The following RTTN variants were observed in gnomAD, a reference collection of about 807,000 sequenced individuals.
The protein encoded by RTTN is rotatin.
A neutral mutation model predicts 269.2 loss-of-function variants in RTTN; 182 were observed. That is an observed-to-expected ratio of 0.68 (90% CI 0.60 to 0.76). The LOEUF is 0.76. Among genes scored for constraint, RTTN ranks in the 30% least tolerant of loss-of-function variants. The probability of loss-of-function intolerance (pLI) is 0.00; values close to 1 mark genes in which losing one functional copy is unlikely to be tolerated. For synonymous variants in RTTN, 1,006 were observed against 963.5 expected (o/e 1.04, Z -0.82); for missense variants, 2,545 against 2,608.6 (o/e 0.98, Z 0.53).
intron 46 of RTTN, chr18:70,008,698 A>C (rs1404452857): frequency 2.0e-5 from 3 of 151,182 alleles, no homozygotes; most frequent in African/African-American, 7.4e-5. Context: ...CGTGAAGACA[A>C]GATTAGAGAA....
intron 46 of RTTN, chr18:70,008,784 CT>C (rs2056277980): frequency 6.6e-6 from 1 of 151,738 alleles, no homozygotes; most frequent in African/African-American, 2.4e-5. Context: ...CTATGTTTGA[CT>C]GGTGTACCTG....
intron 43 of RTTN, among the ~76,000 whole-genome samples, chr18:70,025,959 C>A (rs940488947): frequency 6.6e-6 from 1 of 152,190 alleles, no homozygotes; most frequent in Non-Finnish European, 1.5e-5. Context: ...CCAATTTGCT[C>A]ATTTCTGTGC....
At chr18:70,188,944 T>G (rs1190140303) in intron 9 of RTTN, among the ~76,000 whole-genome samples, 1 of 152,196 alleles carries the variant, frequency 6.6e-6, no homozygotes, top group East Asian at 1.9e-4. Context: ...ATTAATTTTT[T>G]CACTAGAAGA....
chr18:70,127,925 C>A (rs2145615700), intron 24 of RTTN, 184 bp from the exon 25 acceptor site: 2 of 591,918 alleles, frequency 3.4e-6, no homozygotes, highest in East Asian at 5.8e-5. Context: ...ACATTGGCAT[C>A]CCAAATGTTT....
chr18:70,201,410 G>A (rs1258541863), intron 4 of RTTN, among the ~76,000 whole-genome samples: 2 of 150,858 alleles, frequency 1.3e-5, no homozygotes, highest in East Asian at 1.9e-4. Flanking sequence ...AGACCATCCC[G>A]GCTAAAAAAA....
At chr18:70,027,962 C>T (rs1296995247) in intron 43 of RTTN, among the ~76,000 whole-genome samples, 2 of 151,984 alleles carry the variant, frequency 1.3e-5, no homozygotes, top group Non-Finnish European at 2.9e-5. Context: ...ATTTATAAGG[C>T]AATAAAAGCT....
At chr18:70,063,133 G>A (rs1223579521) in intron 35 of RTTN, among the ~76,000 whole-genome samples, 1 of 152,116 alleles carries the variant, frequency 6.6e-6, no homozygotes, top group African/African-American at 2.4e-5. Context: ...AAGTGGAATT[G>A]TTTAATCAAA....
chr18:70,204,170 T>C lies in RTTN; in HGVS notation c.313A>G (p.Ile105Val), dbSNP rs940362622. The C allele has an allele frequency of 1.2e-6, 2 of 1,614,012 alleles. No homozygotes were observed. The highest frequency in any genetic ancestry group is 2.7e-5 in the African/African-American group (2 of 74,916). ...SNVEPNLQAE[I>V]DGILDGLFLL... ...AAAAGTCCATCCAGAATGCCATCAA[T>C]TTCAGCCTGCAGATTTGGCTCCACA... is the stretch of plus-strand genomic sequence containing the variant. The change falls in exon 3 of 49, where the codon ATT becomes GTT. Residue 105 changes from isoleucine (I) to valine (V), a missense_variant. Coordinates refer to ENST00000640769, the MANE Select transcript of RTTN (RefSeq NM_173630.4).
chr18:70,020,536 A>T, intron 45 of RTTN, 79 bp downstream of exon 45: 1 of 1,264,796 alleles, frequency 7.9e-7, no homozygotes. Context: ...AATCTTAGAA[A>T]TTGAGTTGTA....
chr18:70,137,964 T>C lies in RTTN; in HGVS notation c.2788+1635A>G, dbSNP rs540929513. ...AACGTTTGCTGAGAAATGGGTTTTC[T>C]TGGTTAAGCAGCTGGTTAAAAATTA... is the stretch of plus-strand genomic sequence containing the variant. On this transcript the variant is annotated intron_variant, in intron 21 of 48. Coordinates refer to ENST00000640769, the MANE Select transcript of RTTN (RefSeq NM_173630.4). Among the ~76,000 whole-genome samples, 10 of 152,300 alleles carry C rather than the reference T, an allele frequency of 6.6e-5. No homozygotes were observed. The East Asian group carries it at 1.9e-3, about 29-fold the overall frequency.
At chr18:70,037,388 G>A (rs1051851988) in intron 40 of RTTN, among the ~76,000 whole-genome samples, 1 of 152,182 alleles carries the variant, frequency 6.6e-6, no homozygotes, top group Non-Finnish European at 1.5e-5. Context: ...TTGAGGAAGA[G>A]AGTAAACAAG....
chr18:70,154,471 A>C (rs529232750), intron 14 of RTTN, among the ~76,000 whole-genome samples: 1 of 152,310 alleles, frequency 6.6e-6, no homozygotes, highest in East Asian at 1.9e-4. Flanking sequence ...GGGTATAATA[A>C]CTATCCCAAA....
chr18:70,055,961 C>T (rs2057805885), intron 37 of RTTN, among the ~76,000 whole-genome samples: 1 of 152,216 alleles, frequency 6.6e-6, no homozygotes, highest in South Asian at 2.1e-4. Flanking sequence ...CCTCACCTCC[C>T]CAGCTTTCTG....
chr18:70,139,885 A>G (rs1171555398), intron 20 of RTTN, 169 bp from the exon 21 acceptor site: 1 of 620,994 alleles, frequency 1.6e-6, no homozygotes, highest in Non-Finnish European at 2.9e-6. Context: ...TAAGTTTCGT[A>G]TATACTTCTA....
chr18:70,199,576 G>T, intron 4 of RTTN, 72 bp from the exon 5 acceptor site: 1 of 1,110,392 alleles, frequency 9.0e-7, no homozygotes, highest in Non-Finnish European at 1.4e-6. Flanking sequence ...TTAAGAGTAA[G>T]TTTTCCCTTT....
At chr18:70,051,073 T>C (rs902496574) in intron 39 of RTTN, among the ~76,000 whole-genome samples, 6 of 152,156 alleles carry the variant, frequency 3.9e-5, no homozygotes, top group Admixed American at 3.9e-4. Flanking sequence ...ATCCCAGAAC[T>C]TAAAGTAAAA....
intron 28 of RTTN, among the ~76,000 whole-genome samples, chr18:70,106,615 AT>A (rs1388223742): frequency 6.6e-6 from 1 of 152,204 alleles, no homozygotes; most frequent in Admixed American, 6.5e-5. Flanking sequence ...ACAGCCAGAT[AT>A]AACTGAAAAT....
intron 14 of RTTN, among the ~76,000 whole-genome samples, chr18:70,161,067 T>A (rs1042288819): frequency 6.6e-6 from 1 of 152,100 alleles, no homozygotes; most frequent in African/African-American, 2.4e-5. Context: ...AGAACAAAGC[T>A]GGAGGCATCA....
chr18:70,033,496 A>C (rs1004494779), intron 40 of RTTN, among the ~76,000 whole-genome samples: 4 of 152,252 alleles, frequency 2.6e-5, no homozygotes, highest in African/African-American at 9.6e-5. Flanking sequence ...TAATGAAATT[A>C]AGGCAGAAAT....
Sources: allele counts gnomAD v4.1 joint callset (sites outside exome capture counted in the v4.1 genomes callset), GRCh38; gene constraint gnomAD v4.1.1; transcripts MANE v1.5; gene names NCBI Gene and HGNC (gene_info 2026-07-23, HGNC 2026-07-21).